The following HPCAL4 variants were observed in gnomAD, a reference collection of about 807,000 sequenced individuals.
HPCAL4 encodes the protein hippocalcin like 4, also known as hippocalcin-like protein 4.
Under a neutral mutation model 18.2 loss-of-function variants are expected in HPCAL4, and 16 were observed. The observed-to-expected ratio is 0.88, with a 90% CI of 0.59 to 1.33. The LOEUF (loss-of-function observed/expected upper bound fraction) is 1.33, where lower values mean the gene tolerates loss of function less well. HPCAL4 is among the 40% of genes most tolerant of loss of function. The pLI, the probability that HPCAL4 is intolerant of heterozygous loss-of-function variation, is 0.00. For missense variants in HPCAL4, 214 were observed against 256.6 expected, an observed-to-expected ratio of 0.83 and a Z score of 1.14; for synonymous variants, 80 against 97.5, an observed-to-expected ratio of 0.82 and a Z score of 1.06.
chr1:39,679,643 T>G lies in HPCAL4; in HGVS notation c.*2893A>C, dbSNP rs898075362. 4 of 152,252 alleles carry G rather than the reference T, an allele frequency of 2.6e-5. No homozygotes were observed. The highest frequency in any genetic ancestry group is 2.0e-4 in the Admixed American group (3 of 15,276). 9.4% of individuals were successfully genotyped at this position (152,252 alleles called of 1,614,324 possible). ...TGCTTTGCGGCAAGTCTCTCTCAGC[T>G]GGTGCAGGGACGGGAGACCTGTGTC... is the stretch of plus-strand genomic sequence containing the variant. On this transcript the variant is annotated 3_prime_UTR_variant, in exon 4 of 4. Coordinates refer to ENST00000372844, the MANE Select transcript of HPCAL4 (RefSeq NM_016257.4).
chr1:39,690,151 G>T (rs1360522832), intron 1 of HPCAL4, among the ~76,000 whole-genome samples: 1 of 152,064 alleles, frequency 6.6e-6, no homozygotes, highest in African/African-American at 2.4e-5. Context: ...CCCCCCTCAG[G>T]TCTCCTCTCT....
Position 39,682,636 on chromosome 1 carries a change from T to C in HPCAL4, c.476A>G (p.Asp159Gly), listed in dbSNP as rs563059894. 10 of 1,614,252 alleles carry C rather than the reference T, an allele frequency of 6.2e-6. No homozygotes were observed. The highest frequency in any genetic ancestry group is 8.5e-6 in the Non-Finnish European group (10 of 1,180,040). The change falls in exon 4 of 4, where the codon GAC (aspartate) becomes GGC (glycine). Residue 159 changes from aspartate to glycine, a missense_variant. Coordinates refer to ENST00000372844, the MANE Select transcript of HPCAL4 (RefSeq NM_016257.4). ...QRVDKIFKKM[D>G]QDKDDQITLE... ...TGTAATCTGGTCGTCCTTATCCTGG[T>C]CCATCTTCTTGAAGATCTTGTCCAC...
Position 39,679,012 on chromosome 1 carries a change from C to T in HPCAL4, c.*3524G>A, listed in dbSNP as rs1374903212. 1 of 152,192 alleles carries T rather than the reference C, an allele frequency of 6.6e-6. No homozygotes were observed. Among genetic ancestry groups the T allele is most frequent in the Non-Finnish European group, 1.5e-5 (1 of 68,022 alleles). 9.4% of individuals were successfully genotyped at this position (152,192 alleles called of 1,614,324 possible). On this transcript the variant is annotated 3_prime_UTR_variant, in exon 4 of 4. Coordinates refer to ENST00000372844, the MANE Select transcript of HPCAL4 (RefSeq NM_016257.4). ...TTTAATTCCAAGGTTTGAATTATTTCTTTTTTCAAGAATGATGAATAAAAC... is the reference window on the plus strand; with the variant it reads ...TTTAATTCCAAGGTTTGAATTATTTTTTTTTTCAAGAATGATGAATAAAAC...
chr1:39,687,294 G>C (rs1041470695), intron 1 of HPCAL4, among the ~76,000 whole-genome samples: 4 of 152,238 alleles, frequency 2.6e-5, no homozygotes, highest in Non-Finnish European at 5.9e-5. Flanking sequence ...GGCAAAAGGA[G>C]GCAGGCCTCA....
chr1:39,686,248 G>C (rs1019677606), intron 1 of HPCAL4, among the ~76,000 whole-genome samples: 5 of 152,116 alleles, frequency 3.3e-5, no homozygotes, highest in African/African-American at 1.2e-4. Context: ...ATACTTGGGA[G>C]GCTAAGATGG....
rs1349680156 is a variant in HPCAL4, at chr1:39,678,892, C to A, written c.*3644G>T. 2 of 152,184 alleles carry A rather than the reference C, an allele frequency of 1.3e-5. No homozygotes were observed. The highest frequency in any genetic ancestry group is 4.8e-5 in the African/African-American group (2 of 41,442). The allele number at this position is 152,184 out of a possible 1,614,324, so 9.4% of individuals were successfully genotyped here. ...CCTCCACCAAGCAGGAAGGGCTATA[C>A]ACCCTGGCAGGCCCAGTCCTGCCCC... On this transcript the variant is annotated 3_prime_UTR_variant, in exon 4 of 4. Coordinates refer to ENST00000372844, the MANE Select transcript of HPCAL4 (RefSeq NM_016257.4).
chr1:39,683,103 C>G (rs753680528), intron 3 of HPCAL4, among the ~76,000 whole-genome samples: 1 of 152,224 alleles, frequency 6.6e-6, no homozygotes, highest in African/African-American at 2.4e-5. Context: ...GGGTTGGTCT[C>G]GAACTCATTA....
At chr1:39,683,049 A>T (rs1055432331) in intron 3 of HPCAL4, among the ~76,000 whole-genome samples, 1 of 151,882 alleles carries the variant, frequency 6.6e-6, no homozygotes, top group African/African-American at 2.4e-5. Context: ...ACGTCCCGCT[A>T]ATTTTTGTAT....
chr1:39,686,985 C>T (rs1318749651), intron 1 of HPCAL4, among the ~76,000 whole-genome samples: 1 of 152,178 alleles, frequency 6.6e-6, no homozygotes, highest in Non-Finnish European at 1.5e-5. Flanking sequence ...CTAATTCTTA[C>T]AACTGGGAAA....
rs1646599897 is a variant in HPCAL4 at position 39,679,210 on chromosome 1, C to G, written c.*3326G>C. ...GCTTCTTCTCTTTCTTTTCTTTCCC[C>G]CATCCCACGCCATTCCTTCTCTCTC... On this transcript the variant is annotated 3_prime_UTR_variant, in exon 4 of 4. Coordinates refer to ENST00000372844, the MANE Select transcript of HPCAL4 (RefSeq NM_016257.4). 6.8e-6 allele frequency: 1 copy of G among 147,928 alleles called. No homozygotes were observed. The highest frequency in any genetic ancestry group is 2.5e-5 in the African/African-American group (1 of 40,224). 9.2% of individuals were successfully genotyped at this position (147,928 alleles called of 1,614,324 possible).
chr1:39,684,348 CTCAT>C, intron 2 of HPCAL4, 90 bp downstream of exon 2: 1 of 1,391,304 alleles, frequency 7.2e-7, no homozygotes, highest in Non-Finnish European at 9.6e-7. Flanking sequence ...CTCGCCTCTT[CTCAT>C]CCCAGGGTGC....
Position 39,680,138 on chromosome 1 carries a change from AG to A in HPCAL4, c.*2397del, listed in dbSNP as rs1330949620. The A allele has an allele frequency of 6.6e-6, 1 of 152,626 alleles. No individual in the cohort carries two copies. The highest frequency in any genetic ancestry group is 6.5e-5 in the Admixed American group (1 of 15,278). The allele number at this position is 152,626 out of a possible 1,614,324, so 9.5% of individuals were successfully genotyped here. The stretch of plus-strand genomic sequence containing the variant: ...AAGCTTTTTAGCAGGAAGCCTATAA[AG>A]GATGAATATCAATGTAACTTGCCCT... On this transcript the variant is annotated 3_prime_UTR_variant, in exon 4 of 4. Coordinates refer to ENST00000372844, the MANE Select transcript of HPCAL4 (RefSeq NM_016257.4).
Position 39,682,634 on chromosome 1 carries a change from G to A in HPCAL4, c.478C>T (p.Gln160Ter). ...RVDKIFKKMD[Q>*]DKDDQITLEE... Reference sequence around the variant, plus strand: ...AATGTAATCTGGTCGTCCTTATCCTGGTCCATCTTCTTGAAGATCTTGTCC... The same window carrying A: ...AATGTAATCTGGTCGTCCTTATCCTAGTCCATCTTCTTGAAGATCTTGTCC... The change falls in exon 4 of 4, where the codon CAG becomes TAG. Residue 160 changes from glutamine (Q) to a stop codon, truncating the protein, a stop_gained. Transcript: ENST00000372844. LOFTEE classifies it high-confidence loss of function. The A allele has an allele frequency of 6.2e-7, 1 of 1,614,210 alleles. No homozygotes were observed. The highest frequency in any genetic ancestry group is 1.1e-5 in the South Asian group (1 of 91,084).
At position 39,684,473 on chromosome 1, in the gene HPCAL4, T is replaced by C. The variant is rs750977819; in HGVS notation, c.131A>G (p.Asn44Ser). The change falls in exon 2 of 4, where the codon AAC (asparagine) becomes AGC (serine). Residue 44 changes from asparagine (N) to serine (S), a missense_variant. Asn to Ser is a conservative substitution (Grantham distance 46, BLOSUM62 1). Transcript: ENST00000372844. ...GTAGAGCTGCTGAAACTCCTCCAGG[T>C]TGAGGATGCCGCTGGGGCAGTCCTT... ...FLKDCPSGIL[N>S]LEEFQQLYIK... The C allele has an allele frequency of 1.2e-6, 2 of 1,611,632 alleles. No individual in the cohort carries two copies. The highest frequency in any genetic ancestry group is 2.2e-5 in the East Asian group (1 of 44,850).
rs1646622124 is a variant in HPCAL4, at chr1:39,681,051, G to A, written c.*1485C>T. ...AAGGTAATTTCTGATCACAAGTACA[G>A]GAGAAAGACCTGATGAAGAAGCAAG... On this transcript the variant is annotated 3_prime_UTR_variant, in exon 4 of 4. Coordinates refer to ENST00000372844, the MANE Select transcript of HPCAL4 (RefSeq NM_016257.4). 1 of 152,664 alleles carries A rather than the reference G, an allele frequency of 6.6e-6. No homozygotes were observed. The highest frequency in any genetic ancestry group is 2.4e-5 in the African/African-American group (1 of 41,470). 9.5% of individuals were successfully genotyped at this position (152,664 alleles called of 1,614,324 possible).
chr1:39,684,727 A>C, intron 1 of HPCAL4, 116 bp from the exon 2 acceptor site: 22 of 808,578 alleles, frequency 2.7e-5, no homozygotes, highest in South Asian at 1.4e-4. Context: ...CCCTCATGAC[A>C]CTCCCCCATA....
chr1:39,683,175 C>T (rs1168911098), intron 3 of HPCAL4, among the ~76,000 whole-genome samples: 2 of 152,218 alleles, frequency 1.3e-5, no homozygotes, highest in South Asian at 2.1e-4. Flanking sequence ...TGAGCCACCA[C>T]GCCCAGCCCT....
In HPCAL4 at chr1:39,682,433, G is replaced by T; in HGVS notation, c.*103C>A. On this transcript the variant is annotated 3_prime_UTR_variant, in exon 4 of 4. Coordinates refer to ENST00000372844, the MANE Select transcript of HPCAL4 (RefSeq NM_016257.4). ...GCAGAGGACTGGGTGGGCCAGAGAG[G>T]GGGGCTGGAGTGTCCCTCCTCCTGG... The T allele has an allele frequency of 1.9e-6, 2 of 1,068,410 alleles. No homozygotes were observed. Among genetic ancestry groups the T allele is most frequent in the Non-Finnish European group, 1.4e-6 (1 of 714,914 alleles). The allele number at this position is 1,068,410 out of a possible 1,614,324, so 66.2% of individuals were successfully genotyped here. A position where few individuals can be genotyped will look rare whatever the true frequency, so the allele number is the denominator to read the frequency against.
At chr1:39,688,770 T>C (rs1646696357) in intron 1 of HPCAL4, among the ~76,000 whole-genome samples, 1 of 152,188 alleles carries the variant, frequency 6.6e-6, no homozygotes, top group Non-Finnish European at 1.5e-5. Flanking sequence ...GCCTCACCTC[T>C]TTGCTAAGCT....
Sources: gnomAD v4.1 joint callset for allele counts (sites outside exome capture counted in the v4.1 genomes callset) on GRCh38, gnomAD v4.1.1 for gene constraint, MANE v1.5 for transcripts, NCBI Gene and HGNC (gene_info 2026-07-23, HGNC 2026-07-21) for gene names.